The following ADCY2 variants were observed in gnomAD, a reference collection of about 807,000 sequenced individuals.
ADCY2 encodes the protein adenylate cyclase type 2.
Under a neutral mutation model 125.2 loss-of-function variants are expected in ADCY2, and 31 were observed. The ratio of observed to expected loss-of-function variants is 0.25; its 90% CI spans 0.19 to 0.33. The LOEUF (loss-of-function observed/expected upper bound fraction) is 0.33, where lower values mean the gene tolerates loss of function less well. Ranked by LOEUF, ADCY2 falls within the 10% of genes least tolerant of loss-of-function variation. The pLI is 1.00. For synonymous variants in ADCY2, 512 were observed against 548.4 expected (o/e 0.93, Z 0.93); for missense variants, 904 against 1,418.2 (o/e 0.64, Z 5.82).
intron 4 of ADCY2, among the ~76,000 whole-genome samples, chr5:7,648,611 G>T (rs1175205809): frequency 6.6e-6 from 1 of 152,096 alleles, no homozygotes; most frequent in East Asian, 1.9e-4. Flanking sequence ...TCCCTGCGGG[G>T]TTAGAAACAC....
chr5:7,704,809 C>T (rs978703791), intron 7 of ADCY2, among the ~76,000 whole-genome samples: 8 of 149,750 alleles, frequency 5.3e-5, no homozygotes, highest in Admixed American at 4.7e-4. Flanking sequence ...ACCCGGGCGG[C>T]GGAGCTTGCA....
chr5:7,757,627 C>T (rs1440230206), intron 16 of ADCY2, 41 bp downstream of exon 16: 1 of 1,599,742 alleles, frequency 6.3e-7, no homozygotes, highest in South Asian at 1.1e-5. Context: ...TGGTAAGCCC[C>T]AGAGCATGGC....
At chr5:7,684,766 CTG>C (rs918465043) in intron 4 of ADCY2, among the ~76,000 whole-genome samples, 6 of 104,160 alleles carry the variant, frequency 5.8e-5, no homozygotes, top group Admixed American at 1.4e-4. Context: ...ACATCTATGT[CTG>C]TTGTGCCTTT....
intron 2 of ADCY2, among the ~76,000 whole-genome samples, chr5:7,445,948 C>A (rs1741235715): frequency 6.6e-6 from 1 of 152,146 alleles, no homozygotes; most frequent in African/African-American, 2.4e-5. Flanking sequence ...TTTTCTCCTT[C>A]AATTCTGGTG....
At chr5:7,510,197 T>G (rs72709174) in intron 2 of ADCY2, among the ~76,000 whole-genome samples, 24,346 of 152,122 alleles carry the variant, frequency 0.16, 2,060 homozygotes, top group African/African-American at 0.2. Flanking sequence ...GGTTTGGAGG[T>G]GTCAAGAAAT....
At chr5:7,461,586 T>C (rs1277707221) in intron 2 of ADCY2, among the ~76,000 whole-genome samples, 4 of 152,250 alleles carry the variant, frequency 2.6e-5, no homozygotes, top group Non-Finnish European at 4.4e-5. Flanking sequence ...TGACGTAGTT[T>C]CCCAGCCAAT....
At chr5:7,655,585 C>T (rs78732000) in intron 4 of ADCY2, among the ~76,000 whole-genome samples, 7,180 of 152,294 alleles carry the variant, frequency 0.047, 261 homozygotes, top group Middle Eastern at 0.088. Flanking sequence ...GGACGGTGGT[C>T]GCTCACACTG....
chr5:7,409,937 T>A (rs966742178), intron 1 of ADCY2, among the ~76,000 whole-genome samples: 11 of 152,214 alleles, frequency 7.2e-5, no homozygotes, highest in Non-Finnish European at 1.5e-4. Context: ...TATGACTATG[T>A]ATGTAGATAA....
At chr5:7,431,168 A>G (rs1005511319) in intron 2 of ADCY2, among the ~76,000 whole-genome samples, 5 of 152,230 alleles carry the variant, frequency 3.3e-5, no homozygotes, top group Admixed American at 2.6e-4. Context: ...AGTAATCAAG[A>G]TAGCGTGATA....
intron 15 of ADCY2, among the ~76,000 whole-genome samples, chr5:7,744,764 T>C (rs1742544394): frequency 6.6e-6 from 1 of 152,262 alleles, no homozygotes; most frequent in Non-Finnish European, 1.5e-5. Context: ...ATTTTTTTAA[T>C]AAAAATTTTT....
intron 3 of ADCY2, among the ~76,000 whole-genome samples, chr5:7,592,101 T>C (rs989575321): frequency 6.6e-6 from 1 of 152,226 alleles, no homozygotes; most frequent in African/African-American, 2.4e-5. Context: ...AAACATGCGG[T>C]ATGCACATAT....
intron 14 of ADCY2, among the ~76,000 whole-genome samples, chr5:7,742,245 G>A (rs546467318): frequency 3.3e-5 from 5 of 152,002 alleles, no homozygotes; most frequent in Non-Finnish European, 5.9e-5. Context: ...AATGGCAAGC[G>A]CCCTCCATAG....
intron 4 of ADCY2, among the ~76,000 whole-genome samples, chr5:7,639,796 G>A: frequency 6.6e-6 from 1 of 152,138 alleles, no homozygotes; most frequent in East Asian, 1.9e-4. Context: ...AGGATAAACA[G>A]CAGAGATTTA....
At chr5:7,653,908 C>A in intron 4 of ADCY2, 1 of 276,272 alleles carries the variant, frequency 3.6e-6, no homozygotes, top group South Asian at 3.4e-5. Flanking sequence ...GGGGAGGAGT[C>A]AGTTTGGGGG....
At chr5:7,451,506 T>C (rs1741468770) in intron 2 of ADCY2, among the ~76,000 whole-genome samples, 1 of 152,230 alleles carries the variant, frequency 6.6e-6, no homozygotes, top group South Asian at 2.1e-4. Flanking sequence ...AGTAGTTTCT[T>C]AGGATAGACT....
Position 7,827,001 on chromosome 5 carries a change from T to G in ADCY2, c.*130T>G, listed in dbSNP as rs771193755. 8.7e-7 allele frequency: 1 copy of G among 1,150,300 alleles called. No individual in the cohort carries two copies. Among genetic ancestry groups the G allele is most frequent in the Non-Finnish European group, 1.2e-6 (1 of 825,796 alleles). 71.3% of individuals were successfully genotyped at this position (1,150,300 alleles called of 1,614,324 possible). ...CTATGGAGCCTCTGCAGACTCGTTC[T>G]CGTGACCCAGTGGCATACCGTTTGG... On this transcript the variant is annotated 3_prime_UTR_variant, in exon 25 of 25. Transcript: ENST00000338316.
intron 2 of ADCY2, among the ~76,000 whole-genome samples, chr5:7,471,969 G>T (rs1742355539): frequency 6.6e-6 from 1 of 151,754 alleles, no homozygotes; most frequent in Admixed American, 6.6e-5. Flanking sequence ...TGTTTTTGTT[G>T]TCTTTTTTGG....
At chr5:7,436,423 T>C (rs750170528) in intron 2 of ADCY2, among the ~76,000 whole-genome samples, 4 of 152,216 alleles carry the variant, frequency 2.6e-5, no homozygotes, top group Non-Finnish European at 5.9e-5. Flanking sequence ...TCATATCTGA[T>C]GTAGTGAAAC....
intron 16 of ADCY2, among the ~76,000 whole-genome samples, chr5:7,759,994 G>C (rs1282195792): frequency 6.6e-6 from 1 of 152,212 alleles, no homozygotes; most frequent in Non-Finnish European, 1.5e-5. Context: ...GGGAACTCAA[G>C]ATGAGAGATT....
Sources: allele counts gnomAD v4.1 joint callset (sites outside exome capture counted in the v4.1 genomes callset), GRCh38; gene constraint gnomAD v4.1.1; transcripts MANE v1.5; gene names NCBI Gene and HGNC (gene_info 2026-07-23, HGNC 2026-07-21).